Variants in OPCML observed in about 807,000 individuals in gnomAD.
The protein encoded by OPCML is opioid binding protein/cell adhesion molecule like, also known as opioid-binding protein/cell adhesion molecule.
Under a neutral mutation model 37.8 loss-of-function variants are expected in OPCML, and 13 were observed. The observed-to-expected ratio is 0.34, with a 90% CI of 0.22 to 0.55. The LOEUF (loss-of-function observed/expected upper bound fraction) is 0.55. Among genes scored for constraint, OPCML ranks in the 20% least tolerant of loss-of-function variants. The probability of loss-of-function intolerance (pLI) is 0.91; values close to 1 mark genes in which losing one functional copy is unlikely to be tolerated. For synonymous variants in OPCML, 176 were observed against 168.8 expected (o/e 1.04, Z -0.33); for missense variants, 341 against 435.6 (o/e 0.78, Z 1.93).
chr11:132,678,942 G>A (rs1239878345), intron 2 of OPCML, among the ~76,000 whole-genome samples: 2 of 152,152 alleles, frequency 1.3e-5, no homozygotes, highest in Non-Finnish European at 2.9e-5. Context: ...TCCGGTGGGG[G>A]TGGTGATGAT....
intron 1 of OPCML, among the ~76,000 whole-genome samples, chr11:133,072,528 C>T (rs1219368457): frequency 6.6e-6 from 1 of 152,228 alleles, no homozygotes; most frequent in Non-Finnish European, 1.5e-5. Flanking sequence ...AAGGGAAATA[C>T]ATCTTCAGAC....
At chr11:132,928,426 C>CA (rs966879351) in intron 2 of OPCML, among the ~76,000 whole-genome samples, 1 of 151,630 alleles carries the variant, frequency 6.6e-6, no homozygotes, top group African/African-American at 2.4e-5. Flanking sequence ...CAACAAGATA[C>CA]AAAAAAATAA....
chr11:133,192,416 G>A (rs1938361754), intron 1 of OPCML, among the ~76,000 whole-genome samples: 1 of 152,152 alleles, frequency 6.6e-6, no homozygotes, highest in South Asian at 2.1e-4. Context: ...CTATGTGATT[G>A]TCCGACCAAT....
rs116399241 is a variant in OPCML, at chr11:132,475,935, C to T, written c.506-38576G>A. Among the ~76,000 whole-genome samples, 1,414 of 152,026 alleles carry T rather than the reference C, an allele frequency of 9.3e-3. 20 individuals carry two copies. The highest frequency in any genetic ancestry group is 0.033 in the African/African-American group (1,361 of 41,454). On this transcript the variant is annotated intron_variant, in intron 4 of 7. Transcript: ENST00000524381. ...ACACAGACAAATCCATCTGTGTGACCCTGTGCAAGTAACCTAACCTCTTTT... is the reference window on the plus strand; with the variant it reads ...ACACAGACAAATCCATCTGTGTGACTCTGTGCAAGTAACCTAACCTCTTTT...
At chr11:132,764,689 C>G (rs1351369485) in intron 2 of OPCML, among the ~76,000 whole-genome samples, 1 of 152,142 alleles carries the variant, frequency 6.6e-6, no homozygotes, top group Non-Finnish European at 1.5e-5. Context: ...GACCTCTGTT[C>G]CACTGAGCAG....
intron 2 of OPCML, among the ~76,000 whole-genome samples, chr11:132,812,690 C>G (rs985478742): frequency 1.3e-5 from 2 of 152,186 alleles, no homozygotes; most frequent in African/African-American, 4.8e-5. Context: ...ATTGCCTGCT[C>G]TTTGGAACTA....
chr11:133,019,370 C>G (rs1327646435), intron 1 of OPCML, among the ~76,000 whole-genome samples: 1 of 152,196 alleles, frequency 6.6e-6, no homozygotes, highest in Non-Finnish European at 1.5e-5. Flanking sequence ...AAGGTGACCT[C>G]TGAACCAGTC....
chr11:132,734,945 G>C (rs1214706314), intron 2 of OPCML, among the ~76,000 whole-genome samples: 2 of 152,072 alleles, frequency 1.3e-5, no homozygotes, highest in Non-Finnish European at 2.9e-5. Context: ...TTATTATGTG[G>C]GGCAGAAAGC....
At chr11:132,548,488 C>T (rs1293732591) in intron 3 of OPCML, among the ~76,000 whole-genome samples, 1 of 152,142 alleles carries the variant, frequency 6.6e-6, no homozygotes, top group Non-Finnish European at 1.5e-5. Flanking sequence ...TTCATCTGCT[C>T]ATTTCCCTCT....
chr11:133,379,432 C>T (rs1944885655), intron 1 of OPCML, among the ~76,000 whole-genome samples: 1 of 152,200 alleles, frequency 6.6e-6, no homozygotes, highest in South Asian at 2.1e-4. Flanking sequence ...TTTGTGTGCT[C>T]ATCAGGAAAT....
intron 1 of OPCML, among the ~76,000 whole-genome samples, chr11:133,052,132 C>T (rs1009812258): frequency 2.6e-5 from 4 of 152,176 alleles, no homozygotes; most frequent in African/African-American, 9.7e-5. Flanking sequence ...ACCAAAAACA[C>T]TGTTCTGATG....
intron 1 of OPCML, among the ~76,000 whole-genome samples, chr11:133,495,853 C>T (rs1326108013): frequency 6.6e-6 from 1 of 151,994 alleles, no homozygotes; most frequent in Non-Finnish European, 1.5e-5. Context: ...TGTGGGTTGT[C>T]TGTTAACTCT....
intron 1 of OPCML, among the ~76,000 whole-genome samples, chr11:133,227,716 G>C (rs10791287): frequency 0.49 from 73,760 of 152,076 alleles, 20,608 homozygotes; most frequent in Non-Finnish European, 0.63. Flanking sequence ...GGCCCTCCAG[G>C]GTGAAGGGCA....
chr11:133,140,937 A>AGAC (rs1276472397), intron 1 of OPCML, among the ~76,000 whole-genome samples: 2 of 16,704 alleles, frequency 1.2e-4, no homozygotes, highest in African/African-American at 2.6e-4. Flanking sequence ...ACGACGAAGA[A>AGAC]GAAGAAGACG....
intron 4 of OPCML, among the ~76,000 whole-genome samples, chr11:132,440,028 G>T (rs906266617): frequency 1.3e-5 from 2 of 152,196 alleles, no homozygotes; most frequent in African/African-American, 4.8e-5. Flanking sequence ...GTAGGGAGGG[G>T]ATGGTTTCAC....
intron 1 of OPCML, among the ~76,000 whole-genome samples, chr11:133,190,765 T>G (rs1938272183): frequency 1.3e-5 from 2 of 152,228 alleles, no homozygotes; most frequent in African/African-American, 4.8e-5. Context: ...CTTCTTTCAC[T>G]TGGTATAATG....
chr11:133,451,747 CAGG>C (rs759436059), intron 1 of OPCML, among the ~76,000 whole-genome samples: 4 of 150,420 alleles, frequency 2.7e-5, no homozygotes, highest in Non-Finnish European at 4.4e-5. Flanking sequence ...GAGGCTGAGG[CAGG>C]AGAATTGCTT....
intron 3 of OPCML, among the ~76,000 whole-genome samples, chr11:132,567,260 T>G (rs898859434): frequency 2.6e-5 from 4 of 152,222 alleles, no homozygotes; most frequent in Admixed American, 2.6e-4. Context: ...CAACAGCAAC[T>G]GAGTTGCCAC....
chr11:133,072,715 A>T (rs757404756), intron 1 of OPCML, among the ~76,000 whole-genome samples: 3 of 152,232 alleles, frequency 2.0e-5, no homozygotes, highest in Non-Finnish European at 4.4e-5. Context: ...GGGGACAGAC[A>T]GTGAGTGCTG....
Sources: gnomAD v4.1 joint callset for allele counts (sites outside exome capture counted in the v4.1 genomes callset) on GRCh38, gnomAD v4.1.1 for gene constraint, MANE v1.5 for transcripts, NCBI Gene and HGNC (gene_info 2026-07-23, HGNC 2026-07-21) for gene names.